The following ZHX2 variants were observed in gnomAD, a reference collection of about 807,000 sequenced individuals.
ZHX2 encodes zinc fingers and homeoboxes 2.
Under a neutral mutation model 21.9 loss-of-function variants are expected in ZHX2, and 6 were observed. That is an observed-to-expected ratio of 0.27 (90% CI 0.15 to 0.54). The LOEUF is 0.54. ZHX2 is among the 20% of genes least tolerant of loss of function. ZHX2 has a pLI of 0.95. For synonymous variants in ZHX2, 434 were observed against 437.1 expected, an observed-to-expected ratio of 0.99 and a Z score of 0.09; for missense variants, 908 against 1,090.7, an observed-to-expected ratio of 0.83 and a Z score of 2.36.
intron 3 of ZHX2, among the ~76,000 whole-genome samples, chr8:122,959,269 C>T (rs1004983684): frequency 2.0e-5 from 3 of 152,128 alleles, no homozygotes; most frequent in South Asian, 2.1e-4. Flanking sequence ...TTCCATGGTT[C>T]GGCTTGGTTA....
intron 1 of ZHX2, among the ~76,000 whole-genome samples, chr8:122,806,373 C>G (rs1817823931): frequency 6.6e-6 from 1 of 152,158 alleles, no homozygotes; most frequent in Non-Finnish European, 1.5e-5. Flanking sequence ...CAAGAAGAAA[C>G]CTGAGAGCTG....
intron 2 of ZHX2, among the ~76,000 whole-genome samples, chr8:122,890,173 C>T (rs78804944): frequency 0.11 from 16,980 of 151,952 alleles, 1,078 homozygotes; most frequent in South Asian, 0.19. Flanking sequence ...TTCTTCTGTG[C>T]GTGGATATTC....
At chr8:122,793,520 G>A (rs1281849602) in intron 1 of ZHX2, among the ~76,000 whole-genome samples, 1 of 152,188 alleles carries the variant, frequency 6.6e-6, no homozygotes, top group East Asian at 1.9e-4. Flanking sequence ...GATGATACTT[G>A]GGGCAGCCAT....
chr8:122,855,316 T>A lies in ZHX2; in HGVS notation c.-282-8161T>A, dbSNP rs530141093. Among the ~76,000 whole-genome samples, 5 of 152,352 alleles carry A rather than the reference T, an allele frequency of 3.3e-5. No homozygotes were observed. The South Asian group carries it at 1.0e-3, about 32-fold the overall frequency. ...TTGCAATTCTACATACAAGTTTGTATGTGATTTTTTGAAAATATATTATAC... is the reference window on the plus strand; with the variant it reads ...TTGCAATTCTACATACAAGTTTGTAAGTGATTTTTTGAAAATATATTATAC... On this transcript the variant is annotated intron_variant, in intron 1 of 3. Transcript: ENST00000314393.
At chr8:122,844,837 G>A (rs568092497) in intron 1 of ZHX2, among the ~76,000 whole-genome samples, 8 of 152,254 alleles carry the variant, frequency 5.3e-5, no homozygotes, top group South Asian at 2.1e-4. Flanking sequence ...TGCACTGACT[G>A]CAAGGAAACC....
At chr8:122,838,094 T>C (rs1022402890) in intron 1 of ZHX2, among the ~76,000 whole-genome samples, 6 of 152,202 alleles carry the variant, frequency 3.9e-5, no homozygotes, top group Admixed American at 1.3e-4. Flanking sequence ...CTGGGTGTGC[T>C]TTAGCCCAGT....
intron 1 of ZHX2, among the ~76,000 whole-genome samples, chr8:122,808,517 C>T (rs537889922): frequency 1.1e-4 from 16 of 152,202 alleles, no homozygotes; most frequent in Middle Eastern, 6.8e-3. Flanking sequence ...TGGGGGTAAC[C>T]GCTCCCATGA....
chr8:122,847,709 G>C (rs1818784062), intron 1 of ZHX2, among the ~76,000 whole-genome samples: 1 of 152,176 alleles, frequency 6.6e-6, no homozygotes, highest in African/African-American at 2.4e-5. Flanking sequence ...TTATTCCAAA[G>C]CTGGCGCCAG....
chr8:122,946,229 C>T (rs1812973108), intron 2 of ZHX2, among the ~76,000 whole-genome samples: 2 of 152,164 alleles, frequency 1.3e-5, no homozygotes, highest in African/African-American at 4.8e-5. Context: ...GGTGCTGGTC[C>T]TCACCTTGCT....
At chr8:122,913,253 C>A (rs1820522436) in intron 2 of ZHX2, among the ~76,000 whole-genome samples, 1 of 152,166 alleles carries the variant, frequency 6.6e-6, no homozygotes, top group Non-Finnish European at 1.5e-5. Context: ...ATGGGTAAGA[C>A]CACATTTAGT....
chr8:122,808,990 G>T (rs1323055440), intron 1 of ZHX2: 1 of 152,188 alleles, frequency 6.6e-6, no homozygotes, highest in African/African-American at 2.4e-5. Flanking sequence ...AAGCTGGAAG[G>T]GATTGGTCTT....
At chr8:122,958,708 T>C (rs1285999520) in intron 3 of ZHX2, among the ~76,000 whole-genome samples, 1 of 152,224 alleles carries the variant, frequency 6.6e-6, no homozygotes, top group Non-Finnish European at 1.5e-5. Flanking sequence ...CCAGCCACTA[T>C]GGCCCTGCCC....
intron 2 of ZHX2, among the ~76,000 whole-genome samples, chr8:122,923,317 G>T (rs1475890933): frequency 6.6e-6 from 1 of 152,268 alleles, no homozygotes; most frequent in Non-Finnish European, 1.5e-5. Flanking sequence ...AGCAGCTGGA[G>T]ACTGGCTGAG....
intron 2 of ZHX2, among the ~76,000 whole-genome samples, chr8:122,947,521 T>C (rs1813007876): frequency 1.3e-5 from 2 of 152,170 alleles, no homozygotes; most frequent in African/African-American, 4.8e-5. Flanking sequence ...TGCACAGAGA[T>C]ACAAATGATA....
intron 2 of ZHX2, among the ~76,000 whole-genome samples, chr8:122,868,816 C>G (rs1819363206): frequency 6.6e-6 from 1 of 151,858 alleles, no homozygotes; most frequent in Non-Finnish European, 1.5e-5. Context: ...GCTACGATCA[C>G]ACCACTGCAC....
Position 122,863,630 on chromosome 8 carries a change from C to T in ZHX2, c.-220+91C>T, listed in dbSNP as rs1051316930. On this transcript the variant is annotated intron_variant, in intron 2 of 3. Coordinates refer to ENST00000314393, the MANE Select transcript of ZHX2 (RefSeq NM_014943.5). ...TGGGAGGGGCAGGGGCAGCTGAGCT[C>T]TGGCAGCTCTGAAACTGTATTTCCA... is the stretch of plus-strand genomic sequence containing the variant. 5.9e-5 allele frequency: 9 copies of T among 153,054 alleles called. No individual in the cohort carries two copies. The East Asian group carries it at 9.7e-4, about 16-fold the overall frequency. The allele number at this position is 153,054 out of a possible 1,614,324, so 9.5% of individuals were successfully genotyped here.
At chr8:122,791,108 C>CA (rs1172244863) in intron 1 of ZHX2, among the ~76,000 whole-genome samples, 1 of 152,222 alleles carries the variant, frequency 6.6e-6, no homozygotes, top group Non-Finnish European at 1.5e-5. Context: ...GGATTAGAAC[C>CA]TGTGGCTGAG....
intron 1 of ZHX2, among the ~76,000 whole-genome samples, chr8:122,832,707 T>A (rs1039988627): frequency 1.3e-5 from 2 of 152,094 alleles, no homozygotes; most frequent in African/African-American, 2.4e-5. Flanking sequence ...AAAGAGAGAA[T>A]TTCTTGCTTA....
At chr8:122,804,926 C>T (rs1454996651) in intron 1 of ZHX2, among the ~76,000 whole-genome samples, 3 of 152,198 alleles carry the variant, frequency 2.0e-5, no homozygotes, top group Non-Finnish European at 4.4e-5. Flanking sequence ...AGCGGCCACT[C>T]TGTTGCCTGA....
Sources: gnomAD v4.1 joint callset for allele counts (sites outside exome capture counted in the v4.1 genomes callset) on GRCh38, gnomAD v4.1.1 for gene constraint, MANE v1.5 for transcripts, NCBI Gene and HGNC (gene_info 2026-07-23, HGNC 2026-07-21) for gene names.